IFITM2: variants seen among roughly 807,000 people sequenced by gnomAD.
IFITM2 encodes interferon-induced transmembrane protein 2.
Under a neutral mutation model 5.9 loss-of-function variants are expected in IFITM2, and 3 were observed. That is an observed-to-expected ratio of 0.51 (90% CI 0.23 to 1.32). The LOEUF (loss-of-function observed/expected upper bound fraction) is 1.32. Ranked by LOEUF, IFITM2 falls within the 40% of genes most tolerant of loss-of-function variation. IFITM2 has a pLI of 0.18. For synonymous variants in IFITM2, 76 were observed against 72.4 expected (o/e 1.05, Z -0.25); for missense variants, 159 against 175.9 (o/e 0.90, Z 0.54).
At chr11:308,728 G>A in intron 1 of IFITM2, 1 of 715,590 alleles carries the variant, frequency 1.4e-6, no homozygotes, top group Non-Finnish European at 2.5e-6. Context: ...CTATAGCCCA[G>A]TAAGAAATTA....
rs1470084416 is a variant in IFITM2 at position 308,914 on chromosome 11, C to T, written c.247-99C>T. 7 of 1,584,102 alleles carry T rather than the reference C, an allele frequency of 4.4e-6. No homozygotes were observed. The African/African-American group carries it at 8.1e-5, about 18-fold the overall frequency. ...GGTGAGGAAGGGGAGGAGGTGGTCC[C>T]TGATCTCAGGGCAGGGAGGAGACAG... On this transcript the variant is annotated intron_variant, in intron 1 of 1. Coordinates refer to ENST00000616316, the MANE Select transcript of IFITM2 (RefSeq NM_006435.3).
rs1845989469 is a variant in IFITM2, at chr11:308,357, C to T, written c.165C>T (p.Asp55=). ...IHIRSETSVP[D]HVVWSLFNTL... ...TCCGCAGCGAGACCTCCGTGCCTGA[C>T]CATGTGGTCTGGTCCCTGTTCAACA... The change falls in exon 1 of 2, where the codon GAC becomes GAT. Residue 55 remains aspartate, a synonymous_variant. Transcript: ENST00000616316. The T allele has an allele frequency of 1.2e-6, 2 of 1,613,722 alleles. No homozygotes were observed. The highest frequency in any genetic ancestry group is 2.7e-5 in the African/African-American group (2 of 74,986).
In IFITM2 at chr11:309,136, C is replaced by G. The variant is rs775722629; in HGVS notation, c.370C>G (p.Pro124Ala). Residue 124 changes from proline to alanine, a missense_variant, in exon 2 of 2, where the codon CCA becomes GCA. By Grantham distance (27) the Pro-to-Ala change is conservative. Coordinates refer to ENST00000616316, the MANE Select transcript of IFITM2 (RefSeq NM_006435.3). ...IFMTILLIII[P>A]VLVVQAQR The stretch of plus-strand genomic sequence containing the variant: ...CATGACCATTCTGCTCATCATCATC[C>G]CAGTGTTGGTCGTCCAGGCCCAGCG... The G allele has an allele frequency of 6.2e-7, 1 of 1,614,212 alleles. No individual in the cohort carries two copies. The highest frequency in any genetic ancestry group is 2.2e-5 in the East Asian group (1 of 44,880).
At position 307,874 on chromosome 11, in the gene IFITM2, A is replaced by G. The variant is rs1301170361; in HGVS notation, c.-319A>G. The stretch of plus-strand genomic sequence containing the variant: ...CCTGGCAGGAGCCCTGAACCGGGAC[A>G]GTGAGGTCCTGCAGCTGCTGGCCTG... On this transcript the variant is annotated 5_prime_UTR_variant, in exon 1 of 2. Coordinates refer to ENST00000616316, the MANE Select transcript of IFITM2 (RefSeq NM_006435.3). The G allele has an allele frequency of 2.0e-5, 6 of 296,130 alleles. No individual in the cohort carries two copies. The highest frequency in any genetic ancestry group is 1.1e-3 in the Middle Eastern group (1 of 884). The allele number at this position is 296,130 out of a possible 1,614,324, so 18.3% of individuals were successfully genotyped here.
In IFITM2 at chr11:308,291, G is replaced by A. The variant is rs776916932; in HGVS notation, c.99G>A (p.Val33=). The change falls in exon 1 of 2, where the codon GTG becomes GTA. Residue 33 remains valine, a synonymous_variant. Coordinates refer to ENST00000616316, the MANE Select transcript of IFITM2 (RefSeq NM_006435.3). ...AGCAGGAAGTGGCTATGCTGGGGGT[G>A]CCCCACAACCCTGCTCCCCCGATGT... is the stretch of plus-strand genomic sequence containing the variant. ...KEEQEVAMLG[V]PHNPAPPMST... is the part of the protein sequence containing the mutation. 2.4e-5 allele frequency: 38 copies of A among 1,613,740 alleles called. No homozygotes were observed. The highest frequency in any genetic ancestry group is 1.2e-4 in the Admixed American group (7 of 59,974).
chr11:308,020 T>A lies in IFITM2; in HGVS notation c.-173T>A, dbSNP rs560934684. The A allele has an allele frequency of 5.0e-6, 4 of 795,632 alleles. No individual in the cohort carries two copies. The East Asian group carries it at 1.1e-4, about 21-fold the overall frequency. 49.3% of individuals were successfully genotyped at this position (795,632 alleles called of 1,614,324 possible). A position where few individuals can be genotyped will look rare whatever the true frequency, so the allele number is the denominator to read the frequency against. On this transcript the variant is annotated 5_prime_UTR_variant, in exon 1 of 2. Coordinates refer to ENST00000616316, the MANE Select transcript of IFITM2 (RefSeq NM_006435.3). ...CTCTTAGCCCTCAGCCCCTCTTTCC[T>A]CCCTCTCCTAAAGTAATTTGATCCT...
Position 308,057 on chromosome 11 carries a change from TC to T in IFITM2, c.-135del. The T allele has an allele frequency of 9.0e-7, 1 of 1,116,424 alleles. No homozygotes were observed. Among genetic ancestry groups the T allele is most frequent in the South Asian group, 1.5e-5 (1 of 67,646 alleles). 69.2% of individuals were successfully genotyped at this position (1,116,424 alleles called of 1,614,324 possible). A position where few individuals can be genotyped will look rare whatever the true frequency, so the allele number is the denominator to read the frequency against. On this transcript the variant is annotated 5_prime_UTR_variant, in exon 1 of 2. Coordinates refer to ENST00000616316, the MANE Select transcript of IFITM2 (RefSeq NM_006435.3). ...AGTAATTTGATCCTCAGGAATTTGTTCTGCCCTTATCTGGCCCTGGCCAGCT... is the reference window on the plus strand; with the variant it reads ...AGTAATTTGATCCTCAGGAATTTGTTTGCCCTTATCTGGCCCTGGCCAGCT...
Position 308,725 on chromosome 11 carries a change from C to A in IFITM2, c.246+287C>A, listed in dbSNP as rs1475115115. 5 of 715,076 alleles carry A rather than the reference C, an allele frequency of 7.0e-6. No individual in the cohort carries two copies. In the African/African-American group the frequency reaches 8.7e-5, roughly 12 times the overall value. The allele number at this position is 715,076 out of a possible 1,614,324, so 44.3% of individuals were successfully genotyped here. On this transcript the variant is annotated intron_variant, in intron 1 of 1. Coordinates refer to ENST00000616316, the MANE Select transcript of IFITM2 (RefSeq NM_006435.3). ...AGCCCAGAGCAGTTCTCCCTATAGC[C>A]CAGTAAGAAATTACACCTTCACCTT...
At position 308,197 on chromosome 11, in the gene IFITM2, A is replaced by T; in HGVS notation, c.5A>T (p.Asn2Ile). Residue 2 changes from asparagine (N) to isoleucine (I), a missense_variant, in exon 1 of 2, where the codon AAC (asparagine) becomes ATC (isoleucine). By Grantham distance (149) the Asn-to-Ile change is moderately radical (BLOSUM62 -3). Transcript: ENST00000616316. ...ACCCGATCACCGCTGGTCACCATGA[A>T]CCACATTGTGCAAACCTTCTCTCCT... MNHIVQTFSPVN... is the reference protein window; with the variant it reads MIHIVQTFSPVN... 1 of 1,613,800 alleles carries T rather than the reference A, an allele frequency of 6.2e-7. No individual in the cohort carries two copies. Among genetic ancestry groups the T allele is most frequent in the Non-Finnish European group, 8.5e-7 (1 of 1,179,766 alleles).
In IFITM2 at chr11:307,980, C is replaced by T. The variant is rs1419158464; in HGVS notation, c.-213C>T. On this transcript the variant is annotated 5_prime_UTR_variant, in exon 1 of 2. Transcript: ENST00000616316. ...GATGAGACTTGTGCTCCTTTGGGCTCTAGAGAGGAAGCCCCTCTTAGCCCT... is the reference window on the plus strand; with the variant it reads ...GATGAGACTTGTGCTCCTTTGGGCTTTAGAGAGGAAGCCCCTCTTAGCCCT... 4 of 574,970 alleles carry T rather than the reference C, an allele frequency of 7.0e-6. No individual in the cohort carries two copies. In the East Asian group the frequency reaches 1.8e-4, roughly 26 times the overall value. 35.6% of individuals were successfully genotyped at this position (574,970 alleles called of 1,614,324 possible).
chr11:309,055 G>A lies in IFITM2; in HGVS notation c.289G>A (p.Ala97Thr), dbSNP rs1216513093. The stretch of plus-strand genomic sequence containing the variant: ...GGTTGGCGACGTGACCGGGGCCCAG[G>A]CCTATGCCTCCACCGCCAAGTGCCT... ...KMVGDVTGAQ[A>T]YASTAKCLNI... The change falls in exon 2 of 2, where the codon GCC (alanine) becomes ACC (threonine). Residue 97 changes from alanine to threonine, a missense_variant. Transcript: ENST00000616316. 2.5e-6 allele frequency: 4 copies of A among 1,614,060 alleles called. No homozygotes were observed. Among genetic ancestry groups the A allele is most frequent in the Non-Finnish European group, 3.4e-6 (4 of 1,180,040 alleles).
chr11:308,106 A>C lies in IFITM2; in HGVS notation c.-87A>C. The C allele has an allele frequency of 5.2e-6, 8 of 1,537,178 alleles. No individual in the cohort carries two copies. Among genetic ancestry groups the C allele is most frequent in the Non-Finnish European group, 7.1e-6 (8 of 1,126,394 alleles). ...GCTCTGCATTTGACAAATGCCAGGA[A>C]GAGGAAACTGTTGAGAAAACGGAAC... On this transcript the variant is annotated 5_prime_UTR_variant, in exon 1 of 2. Transcript: ENST00000616316.
At position 309,160 on chromosome 11, in the gene IFITM2, C is replaced by G. The variant is rs373014074; in HGVS notation, c.394C>G (p.Arg132Gly). ...IIPVLVVQAQR is the reference protein window; with the variant it reads ...IIPVLVVQAQG Reference sequence around the variant, plus strand: ...CCCAGTGTTGGTCGTCCAGGCCCAGCGATAGATCAGGAGGCATCATTGAGG... The same window carrying G: ...CCCAGTGTTGGTCGTCCAGGCCCAGGGATAGATCAGGAGGCATCATTGAGG... Residue 132 changes from arginine to glycine, a missense_variant, in exon 2 of 2, where the codon CGA becomes GGA. By Grantham distance (125) the Arg-to-Gly change is moderately radical. Coordinates refer to ENST00000616316, the MANE Select transcript of IFITM2 (RefSeq NM_006435.3). The G allele has an allele frequency of 3.7e-6, 6 of 1,614,068 alleles. No homozygotes were observed. The highest frequency in any genetic ancestry group is 5.1e-6 in the Non-Finnish European group (6 of 1,180,050).
chr11:308,217 T>G lies in IFITM2; in HGVS notation c.25T>G (p.Ser9Ala). The change falls in exon 1 of 2, where the codon TCT becomes GCT. Residue 9 changes from serine to alanine, a missense_variant. Ser to Ala is a moderately conservative substitution (Grantham distance 99). Transcript: ENST00000616316. Reference sequence around the variant, plus strand: ...CATGAACCACATTGTGCAAACCTTCTCTCCTGTCAACAGCGGCCAGCCTCC... The same window carrying G: ...CATGAACCACATTGTGCAAACCTTCGCTCCTGTCAACAGCGGCCAGCCTCC... Reference protein sequence around the residue: MNHIVQTFSPVNSGQPPNY... With the variant: MNHIVQTFAPVNSGQPPNY... 6.2e-7 allele frequency: 1 copy of G among 1,613,904 alleles called. No individual in the cohort carries two copies. Among genetic ancestry groups the G allele is most frequent in the South Asian group, 1.1e-5 (1 of 91,062 alleles).
intron 1 of IFITM2, 96 bp downstream of exon 1, chr11:308,534 T>G: frequency 2.6e-6 from 4 of 1,527,466 alleles, no homozygotes. Context: ...TGTGTCCCTG[T>G]GACTGTGAGT....
In IFITM2 at chr11:308,168, G is replaced by A. The variant is rs117941289; in HGVS notation, c.-25G>A. On this transcript the variant is annotated 5_prime_UTR_variant, in exon 1 of 2. Coordinates refer to ENST00000616316, the MANE Select transcript of IFITM2 (RefSeq NM_006435.3). ...GGGAGGGCTCACTGAGAACCATCCC[G>A]GTAACCCGATCACCGCTGGTCACCA... The A allele has an allele frequency of 3.9e-3, 6,320 of 1,608,214 alleles. 133 individuals are homozygous for A. The South Asian group carries it at 0.04, about 10-fold the overall frequency.
At position 309,160 on chromosome 11, in the gene IFITM2, C is replaced by T. The variant is rs373014074; in HGVS notation, c.394C>T (p.Arg132Ter). 6 of 1,614,068 alleles carry T rather than the reference C, an allele frequency of 3.7e-6. No homozygotes were observed. Among genetic ancestry groups the T allele is most frequent in the African/African-American group, 1.3e-5 (1 of 74,920 alleles). ...IIPVLVVQAQ[R>*] Reference sequence around the variant, plus strand: ...CCCAGTGTTGGTCGTCCAGGCCCAGCGATAGATCAGGAGGCATCATTGAGG... The same window carrying T: ...CCCAGTGTTGGTCGTCCAGGCCCAGTGATAGATCAGGAGGCATCATTGAGG... The change falls in exon 2 of 2, where the codon CGA becomes TGA. Residue 132 changes from arginine to a stop codon, truncating the protein, a stop_gained. Transcript: ENST00000616316. LOFTEE classifies it high-confidence loss of function.
chr11:308,765 A>G (rs1161386140), intron 1 of IFITM2: 2 of 719,400 alleles, frequency 2.8e-6, no homozygotes, highest in East Asian at 2.7e-5. Flanking sequence ...ACTGGCACCC[A>G]GGCTCTCCCA....
In IFITM2 at chr11:308,192, C is replaced by G. The variant is rs1590302406; in HGVS notation, c.-1C>G. The G allele has an allele frequency of 3.1e-6, 5 of 1,613,722 alleles. No individual in the cohort carries two copies. In the East Asian group the frequency reaches 1.1e-4, roughly 36 times the overall value. ...CGGTAACCCGATCACCGCTGGTCAC[C>G]ATGAACCACATTGTGCAAACCTTCT... On this transcript the variant is annotated 5_prime_UTR_variant, in exon 1 of 2. Coordinates refer to ENST00000616316, the MANE Select transcript of IFITM2 (RefSeq NM_006435.3).
Sources: gnomAD v4.1 joint callset for allele counts on GRCh38, gnomAD v4.1.1 for gene constraint, MANE v1.5 for transcripts, NCBI Gene and HGNC (gene_info 2026-07-23, HGNC 2026-07-21) for gene names.